Variants in HSD17B3 observed in about 807,000 individuals in gnomAD.
HSD17B3 encodes the protein 17-beta-hydroxysteroid dehydrogenase type 3.
Under a neutral mutation model 41.1 loss-of-function variants are expected in HSD17B3, and 29 were observed. The observed-to-expected ratio is 0.71, with a 90% CI of 0.53 to 0.96. HSD17B3 has a LOEUF of 0.96. Ranked by LOEUF, HSD17B3 falls within the 40% of genes least tolerant of loss-of-function variation. HSD17B3 has a pLI of 0.00. For missense variants in HSD17B3, 323 were observed against 374.6 expected, an observed-to-expected ratio of 0.86 and a Z score of 1.14; for synonymous variants, 126 against 145.6, an observed-to-expected ratio of 0.87 and a Z score of 0.97.
At chr9:96,297,341 CTTTTTTTTTTTTTT>C (rs71368242) in intron 2 of HSD17B3, among the ~76,000 whole-genome samples, 12 of 73,570 alleles carry the variant, frequency 1.6e-4, no homozygotes, top group South Asian at 1.0e-3. Flanking sequence ...TTATTGATTT[CTTTTTTTTTTTTTT>C]TTTTTTTTGG....
intron 2 of HSD17B3, among the ~76,000 whole-genome samples, chr9:96,267,072 A>G (rs1415502433): frequency 6.6e-6 from 1 of 152,138 alleles, no homozygotes; most frequent in East Asian, 1.9e-4. Flanking sequence ...AGAAGTGTGT[A>G]TGAGCAGTGG....
At chr9:96,295,775 G>T (rs1398630460) in intron 2 of HSD17B3, among the ~76,000 whole-genome samples, 3 of 152,184 alleles carry the variant, frequency 2.0e-5, no homozygotes, top group African/African-American at 4.8e-5. Context: ...ACAAGAAAAG[G>T]CATGGGTACT....
chr9:96,261,747 C>T (rs983123972), intron 2 of HSD17B3, among the ~76,000 whole-genome samples: 1 of 152,236 alleles, frequency 6.6e-6, no homozygotes, highest in Non-Finnish European at 1.5e-5. Flanking sequence ...TGTCCTCCCT[C>T]CTGTGCTCTC....
rs924055547 is a variant in HSD17B3 at position 96,285,634 on chromosome 9, G to A, written c.201+12782C>T. 1.5e-4 allele frequency among the ~76,000 whole-genome samples: 23 copies of A among 152,272 alleles called. No individual in the cohort carries two copies. The East Asian group carries it at 3.3e-3, about 22-fold the overall frequency. Reference sequence around the variant, plus strand: ...TTTGTGTAGGAATGCAGACAAGTTTGCTCACCGTTTTCTTAAATTGGACAC... The same window carrying A: ...TTTGTGTAGGAATGCAGACAAGTTTACTCACCGTTTTCTTAAATTGGACAC... On this transcript the variant is annotated intron_variant, in intron 2 of 10. Transcript: ENST00000375263.
chr9:96,271,653 T>G (rs542785699), intron 2 of HSD17B3, among the ~76,000 whole-genome samples: 1 of 152,354 alleles, frequency 6.6e-6, no homozygotes, highest in Non-Finnish European at 1.5e-5. Flanking sequence ...ACCCACACGA[T>G]AGATGGAACT....
At chr9:96,272,686 T>G (rs2130764600) in intron 2 of HSD17B3, among the ~76,000 whole-genome samples, 1 of 151,616 alleles carries the variant, frequency 6.6e-6, no homozygotes, top group East Asian at 2.0e-4. Context: ...GCAACTTCCA[T>G]ACAGCCCAAC....
intron 2 of HSD17B3, among the ~76,000 whole-genome samples, chr9:96,286,813 C>T (rs1000770556): frequency 1.1e-4 from 16 of 152,132 alleles, no homozygotes; most frequent in Non-Finnish European, 2.9e-5. Context: ...CAGAAAGTTA[C>T]CTTATATGGT....
chr9:96,278,713 T>C (rs748613487), intron 2 of HSD17B3, among the ~76,000 whole-genome samples: 1 of 152,252 alleles, frequency 6.6e-6, no homozygotes, highest in African/African-American at 2.4e-5. Context: ...CTTTATTTGA[T>C]GTAAGCCTAT....
At position 96,263,445 on chromosome 9, in the gene HSD17B3, C is replaced by T. The variant is rs1200427934; in HGVS notation, c.202-8502G>A. Among the ~76,000 whole-genome samples, 5 of 151,716 alleles carry T rather than the reference C, an allele frequency of 3.3e-5. No homozygotes were observed. The East Asian group carries it at 5.8e-4, about 18-fold the overall frequency. Reference sequence around the variant, plus strand: ...TAAAATAAGCTACAAGAGTGGGGCACGGTGGCTCACGCCTGTAATCCCAGC... The same window carrying T: ...TAAAATAAGCTACAAGAGTGGGGCATGGTGGCTCACGCCTGTAATCCCAGC... On this transcript the variant is annotated intron_variant, in intron 2 of 10. Transcript: ENST00000375263.
At chr9:96,247,520 G>C (rs948190628) in intron 6 of HSD17B3, among the ~76,000 whole-genome samples, 2 of 152,194 alleles carry the variant, frequency 1.3e-5, no homozygotes, top group African/African-American at 4.8e-5. Flanking sequence ...CTTCGCTGCT[G>C]GGGGGCCAGG....
At chr9:96,272,447 A>ATAT (rs1826302097) in intron 2 of HSD17B3, among the ~76,000 whole-genome samples, 1 of 93,432 alleles carries the variant, frequency 1.1e-5, no homozygotes, top group Non-Finnish European at 2.1e-5. Flanking sequence ...ATATATATAT[A>ATAT]AAATATATAT....
intron 3 of HSD17B3, among the ~76,000 whole-genome samples, chr9:96,254,317 G>A (rs1432678582): frequency 6.6e-6 from 1 of 152,188 alleles, no homozygotes; most frequent in Non-Finnish European, 1.5e-5. Context: ...CAGACATGGG[G>A]AAGGGAAGTC....
At chr9:96,246,453 T>C (rs1288867808) in intron 7 of HSD17B3, 103 bp downstream of exon 7, 2 of 1,031,400 alleles carry the variant, frequency 1.9e-6, no homozygotes, top group Admixed American at 1.8e-5. Context: ...TTATCGTTTG[T>C]TAAAGCACAG....
intron 2 of HSD17B3, among the ~76,000 whole-genome samples, chr9:96,271,079 T>C (rs1826229264): frequency 6.6e-6 from 1 of 151,896 alleles, no homozygotes; most frequent in Admixed American, 6.6e-5. Context: ...GGATGTGGGC[T>C]CAAATGTATG....
intron 10 of HSD17B3, among the ~76,000 whole-genome samples, chr9:96,236,143 C>T (rs1444564116): frequency 6.6e-5 from 10 of 151,344 alleles, no homozygotes; most frequent in Non-Finnish European, 1.5e-4. Flanking sequence ...TCTGTGTTAA[C>T]CACCTCCCTG....
chr9:96,271,787 A>G (rs962583386), intron 2 of HSD17B3, among the ~76,000 whole-genome samples: 4 of 152,172 alleles, frequency 2.6e-5, no homozygotes, highest in African/African-American at 7.2e-5. Flanking sequence ...ATCAACATCT[A>G]TAGCAACATG....
chr9:96,249,644 G>T, intron 6 of HSD17B3, 107 bp downstream of exon 6: 2 of 1,010,312 alleles, frequency 2.0e-6, no homozygotes, highest in Non-Finnish European at 3.1e-6. Flanking sequence ...AGTGTGGTTC[G>T]ATTTCAAAGA....
chr9:96,249,311 A>T (rs1836799446), intron 6 of HSD17B3, among the ~76,000 whole-genome samples: 1 of 152,222 alleles, frequency 6.6e-6, no homozygotes, highest in African/African-American at 2.4e-5. Flanking sequence ...CAGAACACAG[A>T]TGAATTTGAG....
At chr9:96,265,901 A>G (rs1826029149) in intron 2 of HSD17B3, among the ~76,000 whole-genome samples, 1 of 152,254 alleles carries the variant, frequency 6.6e-6, no homozygotes, top group South Asian at 2.1e-4. Flanking sequence ...CAAATTATGT[A>G]CACCACATAA....
Sources: allele counts gnomAD v4.1 joint callset (sites outside exome capture counted in the v4.1 genomes callset), GRCh38; gene constraint gnomAD v4.1.1; transcripts MANE v1.5; gene names NCBI Gene and HGNC (gene_info 2026-07-23, HGNC 2026-07-21).